Variants in KCNT2 observed in about 807,000 individuals in gnomAD.
KCNT2 encodes potassium sodium-activated channel subfamily T member 2, also known as potassium channel subfamily T member 2.
In KCNT2, 67 loss-of-function variants were observed where a neutral mutation model predicts 153.8. The observed-to-expected ratio is 0.44, with a 90% CI of 0.36 to 0.53. KCNT2 has a LOEUF of 0.53. Among genes scored for constraint, KCNT2 ranks in the 20% least tolerant of loss-of-function variants. The probability of loss-of-function intolerance (pLI) is 0.00; values close to 1 mark genes in which losing one functional copy is unlikely to be tolerated. For missense variants in KCNT2, 975 were observed against 1,354.8 expected, an observed-to-expected ratio of 0.72 and a Z score of 4.40; for synonymous variants, 500 against 458.8, an observed-to-expected ratio of 1.09 and a Z score of -1.15.
At chr1:196,591,693 A>G (rs1663382773) in intron 1 of KCNT2, among the ~76,000 whole-genome samples, 1 of 152,182 alleles carries the variant, frequency 6.6e-6, no homozygotes, top group Admixed American at 6.6e-5. Flanking sequence ...TATAAGGGTC[A>G]AGGATACTGT....
intron 12 of KCNT2, among the ~76,000 whole-genome samples, chr1:196,405,744 C>G (rs1199422410): frequency 6.6e-6 from 1 of 151,418 alleles, no homozygotes; most frequent in East Asian, 2.0e-4. Context: ...GATCTATTTA[C>G]CCTGCATACT....
In KCNT2 at chr1:196,305,242, G is replaced by A; in HGVS notation, c.2587C>T (p.Leu863=). The change falls in exon 22 of 28, where the codon CTG becomes TTG. Residue 863 remains leucine (L), a synonymous_variant. Coordinates refer to ENST00000294725, the MANE Select transcript of KCNT2 (RefSeq NM_198503.5). ...ATAATGTGGGGTCTTACCTTTTCCAGTTTTGAAAGAGCAAGAGAGTAACAG... is the reference window on the plus strand; with the variant it reads ...ATAATGTGGGGTCTTACCTTTTCCAATTTTGAAAGAGCAAGAGAGTAACAG... ...KDCYSLALSK[L]EKKERERGSN... is the part of the protein sequence containing the mutation. 1 of 1,600,532 alleles carries A rather than the reference G, an allele frequency of 6.2e-7. No individual in the cohort carries two copies. Among genetic ancestry groups the A allele is most frequent in the Non-Finnish European group, 8.6e-7 (1 of 1,168,124 alleles).
chr1:196,510,864 T>C (rs1681555243), intron 1 of KCNT2, among the ~76,000 whole-genome samples: 2 of 152,158 alleles, frequency 1.3e-5, no homozygotes, highest in Non-Finnish European at 2.9e-5. Context: ...CCAGAGGCAT[T>C]AGCAATTACC....
At chr1:196,511,932 T>C (rs1309489761) in intron 1 of KCNT2, among the ~76,000 whole-genome samples, 1 of 152,162 alleles carries the variant, frequency 6.6e-6, no homozygotes. Context: ...GAGACACCAT[T>C]CAGGATACAA....
chr1:196,339,838 T>A (rs1220544400), intron 16 of KCNT2, among the ~76,000 whole-genome samples: 1 of 152,038 alleles, frequency 6.6e-6, no homozygotes, highest in Non-Finnish European at 1.5e-5. Flanking sequence ...GAAGCCAAGT[T>A]CAGTGGTGAG....
chr1:196,548,481 C>T (rs530543346), intron 1 of KCNT2, among the ~76,000 whole-genome samples: 1 of 151,694 alleles, frequency 6.6e-6, no homozygotes, highest in Non-Finnish European at 1.5e-5. Flanking sequence ...GTTAGAATGG[C>T]AATCATTAAA....
At chr1:196,569,001 C>T (rs927645075) in intron 1 of KCNT2, among the ~76,000 whole-genome samples, 5 of 152,092 alleles carry the variant, frequency 3.3e-5, no homozygotes. Context: ...AGGCAGGAGT[C>T]ACTCATCATT....
intron 1 of KCNT2, among the ~76,000 whole-genome samples, chr1:196,589,771 C>T (rs560859203): frequency 6.6e-6 from 1 of 152,120 alleles, no homozygotes; most frequent in East Asian, 1.9e-4. Flanking sequence ...AGTTTTTGAA[C>T]CTACAGTCTA....
At chr1:196,417,214 G>C (rs1366170908) in intron 12 of KCNT2, among the ~76,000 whole-genome samples, 2 of 151,928 alleles carry the variant, frequency 1.3e-5, no homozygotes, top group Non-Finnish European at 2.9e-5. Flanking sequence ...AAAAACACAG[G>C]CAGTTCAACT....
chr1:196,593,145 G>T (rs1485257504), intron 1 of KCNT2, among the ~76,000 whole-genome samples: 1 of 150,722 alleles, frequency 6.6e-6, no homozygotes, highest in Non-Finnish European at 1.5e-5. Context: ...TCATAGCTTA[G>T]CTTCCACTTA....
chr1:196,472,267 A>G (rs1572569250), intron 5 of KCNT2, among the ~76,000 whole-genome samples: 1 of 152,178 alleles, frequency 6.6e-6, no homozygotes, highest in Admixed American at 6.5e-5. Flanking sequence ...GAGCTTAAAT[A>G]TTTACATTTC....
At chr1:196,232,321 C>T (rs180826023) in intron 27 of KCNT2, among the ~76,000 whole-genome samples, 5 of 151,700 alleles carry the variant, frequency 3.3e-5, no homozygotes, top group South Asian at 4.1e-4. Flanking sequence ...AACAAACTTC[C>T]GAAAGTGAAT....
At chr1:196,374,746 G>A (rs1218859969) in intron 13 of KCNT2, among the ~76,000 whole-genome samples, 1 of 151,684 alleles carries the variant, frequency 6.6e-6, no homozygotes, top group African/African-American at 2.4e-5. Flanking sequence ...CCCAATCTGT[G>A]AAAATAGAGT....
intron 1 of KCNT2, among the ~76,000 whole-genome samples, chr1:196,581,546 A>G (rs866816213): frequency 1.2e-4 from 18 of 152,178 alleles, no homozygotes; most frequent in Non-Finnish European, 1.6e-4. Context: ...CAAAATTTCA[A>G]TATAATGAAG....
intron 13 of KCNT2, among the ~76,000 whole-genome samples, chr1:196,387,006 G>C (rs908477679): frequency 2.0e-5 from 3 of 151,962 alleles, no homozygotes; most frequent in Admixed American, 2.0e-4. Flanking sequence ...ATAACTTATA[G>C]TTATAATTAG....
chr1:196,302,114 A>G (rs1661239127), intron 22 of KCNT2, among the ~76,000 whole-genome samples: 1 of 152,204 alleles, frequency 6.6e-6, no homozygotes, highest in Non-Finnish European at 1.5e-5. Context: ...CTACTTATAG[A>G]TAGATGGAAA....
intron 14 of KCNT2, among the ~76,000 whole-genome samples, chr1:196,364,954 A>C (rs1667918150): frequency 1.3e-5 from 2 of 152,080 alleles, no homozygotes; most frequent in African/African-American, 4.8e-5. Context: ...TGTAAAAGCA[A>C]ATTTGCTTCC....
At chr1:196,567,120 A>G (rs566917370) in intron 1 of KCNT2, among the ~76,000 whole-genome samples, 1 of 152,276 alleles carries the variant, frequency 6.6e-6, no homozygotes, top group South Asian at 2.1e-4. Flanking sequence ...ACAAAATTAA[A>G]TATGAATTCC....
chr1:196,468,436 GT>G (rs1320124798), intron 6 of KCNT2, among the ~76,000 whole-genome samples: 1 of 152,054 alleles, frequency 6.6e-6, no homozygotes, highest in African/African-American at 2.4e-5. Flanking sequence ...TTAAAATATA[GT>G]TTTGCAAAAG....
Sources: gnomAD v4.1 joint callset for allele counts (sites outside exome capture counted in the v4.1 genomes callset) on GRCh38, gnomAD v4.1.1 for gene constraint, MANE v1.5 for transcripts, NCBI Gene and HGNC (gene_info 2026-07-23, HGNC 2026-07-21) for gene names.